Variants in CCDC146 observed in about 807,000 individuals in gnomAD.
CCDC146 encodes the protein coiled-coil domain containing 146.
Under a neutral mutation model 119.3 loss-of-function variants are expected in CCDC146, and 92 were observed. The observed-to-expected ratio is 0.77, with a 90% CI of 0.65 to 0.92. The LOEUF (loss-of-function observed/expected upper bound fraction) is 0.92. CCDC146 is among the 40% of genes least tolerant of loss of function. CCDC146 has a pLI of 0.00. For missense variants in CCDC146, 1,000 were observed against 1,103.0 expected (o/e 0.91, Z 1.32); for synonymous variants, 372 against 371.8 (o/e 1.00, Z -0.01).
rs1445856142 is a variant in CCDC146 at position 77,196,480 on chromosome 7, C to T, written c.156+28656C>T. On this transcript the variant is annotated intron_variant, in intron 2 of 18. Transcript: ENST00000285871. This position sits in a 1 kb window ranked among gnomAD's most constrained non-coding sequence, Gnocchi z 4.2. ...CAAACCACCAGCCTGAACTGTAGTA[C>T]AGCCCACAGTTCCCAGAAGGATATC... 6 of 1,613,966 alleles carry T rather than the reference C, an allele frequency of 3.7e-6. No individual in the cohort carries two copies. The highest frequency in any genetic ancestry group is 3.3e-5 in the Admixed American group (2 of 60,000).
intron 2 of CCDC146, among the ~76,000 whole-genome samples, chr7:77,214,493 G>A (rs1309701425): frequency 6.6e-6 from 1 of 152,044 alleles, no homozygotes; most frequent in East Asian, 1.9e-4. Flanking sequence ...ATTTGCTTTT[G>A]AGGTCTTAGT....
chr7:77,264,060 T>C (rs1294145359), intron 9 of CCDC146, among the ~76,000 whole-genome samples: 1 of 152,144 alleles, frequency 6.6e-6, no homozygotes, highest in Non-Finnish European at 1.5e-5. Context: ...ATATATAGTA[T>C]ATTTATGATA....
intron 4 of CCDC146, among the ~76,000 whole-genome samples, chr7:77,242,684 G>C (rs1792872467): frequency 6.6e-6 from 1 of 152,156 alleles, no homozygotes. Context: ...AGGAGAGAAA[G>C]CAAAACCGTT....
chr7:77,134,571 G>C (rs867513137), intron 1 of CCDC146, among the ~76,000 whole-genome samples: 21,422 of 143,572 alleles, frequency 0.15, 2,054 homozygotes, highest in Non-Finnish European at 0.2. Flanking sequence ...GTCTGTGTGT[G>C]TGTGTGTGTG....
At chr7:77,241,934 G>C in intron 4 of CCDC146, 34 bp downstream of exon 4, 1 of 1,520,994 alleles carries the variant, frequency 6.6e-7, no homozygotes, top group Non-Finnish European at 9.1e-7. Context: ...ACACTGAAAA[G>C]TCTTTTCCTC....
chr7:77,263,375 G>T (rs1013811807), intron 9 of CCDC146, among the ~76,000 whole-genome samples: 1 of 152,176 alleles, frequency 6.6e-6, no homozygotes, highest in African/African-American at 2.4e-5. Flanking sequence ...TGTAAAATGG[G>T]AGCAGCCGGG....
At chr7:77,255,707 TA>T (rs1793165606) in intron 5 of CCDC146, among the ~76,000 whole-genome samples, 1 of 152,154 alleles carries the variant, frequency 6.6e-6, no homozygotes, top group Non-Finnish European at 1.5e-5. Context: ...CTTCTGAGTG[TA>T]AGAAGCCTTC....
intron 2 of CCDC146, among the ~76,000 whole-genome samples, chr7:77,169,434 T>A (rs1210253011): frequency 1.2e-4 from 19 of 152,406 alleles, no homozygotes; most frequent in Middle Eastern, 3.4e-3. Flanking sequence ...CTTACTCCTC[T>A]TAAAATTTTC....
chr7:77,254,338 C>T (rs1257037245), intron 4 of CCDC146, among the ~76,000 whole-genome samples, 168 bp from the exon 5 acceptor site: 1 of 152,160 alleles, frequency 6.6e-6, no homozygotes, highest in Non-Finnish European at 1.5e-5. Flanking sequence ...GAGGAGGAAG[C>T]ACCCCAATGC....
intron 9 of CCDC146, 126 bp from the exon 10 acceptor site, chr7:77,273,568 T>C (rs1245728124): frequency 6.4e-6 from 3 of 470,340 alleles, no homozygotes; most frequent in Non-Finnish European, 1.2e-5. Context: ...TCACCCAGGC[T>C]GGAGTGCAGT....
At chr7:77,189,638 G>C (rs1182984972) in intron 2 of CCDC146, among the ~76,000 whole-genome samples, 3 of 152,054 alleles carry the variant, frequency 2.0e-5, no homozygotes, top group African/African-American at 7.2e-5. Context: ...CCTATCCCTT[G>C]TTCATCCCCA....
At chr7:77,165,165 T>A (rs1791322167) in intron 1 of CCDC146, among the ~76,000 whole-genome samples, 3 of 151,988 alleles carry the variant, frequency 2.0e-5, no homozygotes, top group African/African-American at 4.8e-5. Context: ...GACAGAGTCC[T>A]TTTAGAAAGT....
At chr7:77,182,716 G>A (rs977420094) in intron 2 of CCDC146, among the ~76,000 whole-genome samples, 3 of 152,120 alleles carry the variant, frequency 2.0e-5, no homozygotes, top group African/African-American at 7.2e-5. Flanking sequence ...GATGACTTGA[G>A]CCTGGGAGAC....
At chr7:77,214,701 A>T (rs996250631) in intron 2 of CCDC146, among the ~76,000 whole-genome samples, 5 of 151,798 alleles carry the variant, frequency 3.3e-5, no homozygotes, top group African/African-American at 9.7e-5. Flanking sequence ...TCCTTTCCCA[A>T]TTGTTTCTTT....
chr7:77,230,979 C>T (rs375603101), intron 2 of CCDC146, among the ~76,000 whole-genome samples: 31 of 152,256 alleles, frequency 2.0e-4, no homozygotes, highest in African/African-American at 7.2e-4. Flanking sequence ...CCGTGGTCAA[C>T]TATGGTCCAA....
At chr7:77,174,104 A>G (rs958084815) in intron 2 of CCDC146, among the ~76,000 whole-genome samples, 1 of 151,868 alleles carries the variant, frequency 6.6e-6, no homozygotes, top group African/African-American at 2.4e-5. Flanking sequence ...CAAGATAAAC[A>G]CTCTACTGGC....
chr7:77,226,471 C>A (rs1445891298), intron 2 of CCDC146, among the ~76,000 whole-genome samples: 4 of 152,252 alleles, frequency 2.6e-5, no homozygotes, highest in African/African-American at 9.6e-5. Context: ...AAAGCTCTTA[C>A]TGAGCTATTA....
intron 2 of CCDC146, among the ~76,000 whole-genome samples, chr7:77,210,073 C>T (rs1792154452): frequency 6.6e-6 from 1 of 152,238 alleles, no homozygotes; most frequent in Non-Finnish European, 1.5e-5. Context: ...TGCAAATTCT[C>T]ACAGCTGGCT....
At chr7:77,180,128 C>T in intron 2 of CCDC146, among the ~76,000 whole-genome samples, 1 of 150,516 alleles carries the variant, frequency 6.6e-6, no homozygotes, top group Middle Eastern at 3.4e-3. Flanking sequence ...TATATATGCA[C>T]CCATATGTAT....
Sources: gnomAD v4.1 joint callset for allele counts (sites outside exome capture counted in the v4.1 genomes callset) on GRCh38, gnomAD v4.1.1 for gene constraint, Gnocchi (gnomAD v3.1) non-coding constraint, MANE v1.5 for transcripts, NCBI Gene and HGNC (gene_info 2026-07-23, HGNC 2026-07-21) for gene names.